The following SUCLG2 variants were observed in gnomAD, a reference collection of about 807,000 sequenced individuals.
SUCLG2 encodes the protein succinate--CoA ligase [GDP-forming] subunit beta, mitochondrial.
SUCLG2 carries 42 observed loss-of-function variants against 47.9 expected under a neutral mutation model. The ratio of observed to expected loss-of-function variants is 0.88; its 90% CI spans 0.69 to 1.14. The LOEUF is 1.14. SUCLG2 is among the 50% of genes most tolerant of loss of function. SUCLG2 has a pLI of 0.00. For missense variants in SUCLG2, 571 were observed against 525.9 expected, an observed-to-expected ratio of 1.09 and a Z score of -0.84; for synonymous variants, 195 against 197.3, an observed-to-expected ratio of 0.99 and a Z score of 0.10.
At chr3:67,414,931 T>C (rs1404167110) in intron 9 of SUCLG2, among the ~76,000 whole-genome samples, 1 of 152,200 alleles carries the variant, frequency 6.6e-6, no homozygotes. Context: ...TCACAGCTCA[T>C]TGCAGACTTG....
rs1361901677 is a variant in SUCLG2 at position 67,374,901 on chromosome 3, G to A, written c.*843C>T. The A allele has an allele frequency of 1.0e-6, 1 of 985,118 alleles. No homozygotes were observed. Among genetic ancestry groups the A allele is most frequent in the Non-Finnish European group, 1.2e-6 (1 of 829,880 alleles). The allele number at this position is 985,118 out of a possible 1,614,324, so 61.0% of individuals were successfully genotyped here. A position where few individuals can be genotyped will look rare whatever the true frequency, so the allele number is the denominator to read the frequency against. Reference sequence around the variant, plus strand: ...CTGGTAGATTCTGGGAGGATGAGGAGTAAGAGAGAAACGAGGAGAGAAGAT... The same window carrying A: ...CTGGTAGATTCTGGGAGGATGAGGAATAAGAGAGAAACGAGGAGAGAAGAT... On this transcript the variant is annotated 3_prime_UTR_variant, in exon 11 of 11. Transcript: ENST00000307227.
chr3:67,588,592 G>T (rs1209916395), intron 2 of SUCLG2, among the ~76,000 whole-genome samples: 4 of 152,102 alleles, frequency 2.6e-5, no homozygotes, highest in Admixed American at 6.5e-5. Context: ...GAAGACATTT[G>T]GCACCTAAGA....
At chr3:67,422,743 G>T (rs974847383) in intron 9 of SUCLG2, among the ~76,000 whole-genome samples, 7 of 152,060 alleles carry the variant, frequency 4.6e-5, no homozygotes, top group African/African-American at 1.7e-4. Flanking sequence ...CTAAGATAAT[G>T]CCTATAGGGA....
In SUCLG2 at chr3:67,642,849, CTG is replaced by C. The variant is rs140284214; in HGVS notation, c.84+11652_84+11653del. On this transcript the variant is annotated intron_variant, in intron 1 of 10. Transcript: ENST00000307227. ...CAGGCAAGTCCAGCAGAAAAGGACT[CTG>C]TGTGTGTGTGTGTTATCCAGACACC... Among the ~76,000 whole-genome samples the C allele has an allele frequency of 1.7e-3, 254 of 150,734 alleles. 2 individuals are homozygous for C. The highest frequency in any genetic ancestry group is 5.8e-3 in the African/African-American group (240 of 41,114).
intron 2 of SUCLG2, among the ~76,000 whole-genome samples, chr3:67,556,167 A>G (rs1707153913): frequency 6.6e-6 from 1 of 152,228 alleles, no homozygotes; most frequent in Non-Finnish European, 1.5e-5. Flanking sequence ...TCCAATAGAC[A>G]TGATAACTAA....
intron 1 of SUCLG2, among the ~76,000 whole-genome samples, chr3:67,616,999 T>G (rs1364336808): frequency 6.6e-6 from 1 of 152,216 alleles, no homozygotes; most frequent in Non-Finnish European, 1.5e-5. Flanking sequence ...AAAGTTAGTA[T>G]GTGTTTGTTA....
intron 2 of SUCLG2, among the ~76,000 whole-genome samples, chr3:67,586,183 A>T (rs985116311): frequency 1.3e-5 from 2 of 152,290 alleles, no homozygotes; most frequent in Admixed American, 1.3e-4. Flanking sequence ...AACAAGGATG[A>T]AGCATCCTAC....
intron 9 of SUCLG2, among the ~76,000 whole-genome samples, chr3:67,457,300 T>G (rs1171024031): frequency 6.6e-6 from 1 of 152,206 alleles, no homozygotes; most frequent in Non-Finnish European, 1.5e-5. Context: ...GAACAGATTT[T>G]CAATTTCCTT....
At chr3:67,443,289 C>T (rs74280227) in intron 9 of SUCLG2, among the ~76,000 whole-genome samples, 23,344 of 39,430 alleles carry the variant, frequency 0.59, 9,816 homozygotes, top group Admixed American at 0.84. Flanking sequence ...GATCTCGGAC[C>T]GCCGGGAGGA....
intron 2 of SUCLG2, among the ~76,000 whole-genome samples, chr3:67,541,852 C>T (rs184069078): frequency 9.4e-4 from 142 of 151,732 alleles, no homozygotes; most frequent in Admixed American, 1.5e-3. Context: ...ACAGAGAGGC[C>T]AATATTCAAC....
chr3:67,606,403 T>A (rs1700420783), intron 2 of SUCLG2, among the ~76,000 whole-genome samples: 1 of 152,196 alleles, frequency 6.6e-6, no homozygotes, highest in Admixed American at 6.5e-5. Context: ...GCCTCCAGAA[T>A]TCTCTTTAAA....
intron 9 of SUCLG2, among the ~76,000 whole-genome samples, chr3:67,436,756 C>T (rs1703634039): frequency 6.6e-6 from 1 of 152,056 alleles, no homozygotes; most frequent in Non-Finnish European, 1.5e-5. Flanking sequence ...TGTATGACCA[C>T]CACACAAATT....
chr3:67,409,053 G>C (rs1192763877), intron 9 of SUCLG2: 2 of 1,533,924 alleles, frequency 1.3e-6, no homozygotes, highest in Non-Finnish European at 1.7e-6. Context: ...AAATCAATCA[G>C]AGGTAAGATA....
intron 1 of SUCLG2, among the ~76,000 whole-genome samples, chr3:67,618,764 A>G (rs772730663): frequency 2.6e-5 from 4 of 152,248 alleles, no homozygotes; most frequent in Admixed American, 6.5e-5. Context: ...CAAATAAAGC[A>G]GCTGACAAAT....
chr3:67,568,191 G>C (rs1330202716), intron 2 of SUCLG2, among the ~76,000 whole-genome samples: 2 of 152,164 alleles, frequency 1.3e-5, no homozygotes, highest in African/African-American at 4.8e-5. Context: ...GGGTATTCAT[G>C]TGACACAAAA....
At chr3:67,576,919 A>G (rs1459994267) in intron 2 of SUCLG2, among the ~76,000 whole-genome samples, 3 of 79,222 alleles carry the variant, frequency 3.8e-5, no homozygotes, top group African/African-American at 8.8e-5. Flanking sequence ...TTTAATTTTT[A>G]TTTTATTTTT....
chr3:67,615,369 T>C (rs562425810), intron 1 of SUCLG2, among the ~76,000 whole-genome samples: 1 of 151,404 alleles, frequency 6.6e-6, no homozygotes, highest in East Asian at 1.9e-4. Context: ...CAACAGAGAA[T>C]ATCAAAAGAA....
intron 1 of SUCLG2, among the ~76,000 whole-genome samples, chr3:67,647,417 G>T (rs1055591147): frequency 6.6e-5 from 10 of 152,134 alleles, no homozygotes; most frequent in African/African-American, 2.2e-4. Context: ...AGAATACCAG[G>T]AAACTCCATC....
At chr3:67,433,812 A>C (rs1465367450) in intron 9 of SUCLG2, among the ~76,000 whole-genome samples, 2 of 152,182 alleles carry the variant, frequency 1.3e-5, no homozygotes, top group African/African-American at 4.8e-5. Flanking sequence ...AAAAAAAAAA[A>C]AAAACTTATT....
Sources: allele counts gnomAD v4.1 joint callset (sites outside exome capture counted in the v4.1 genomes callset), GRCh38; gene constraint gnomAD v4.1.1; transcripts MANE v1.5; gene names NCBI Gene and HGNC (gene_info 2026-07-23, HGNC 2026-07-21).